Variants in UBE2W observed in about 807,000 individuals in gnomAD.
UBE2W encodes ubiquitin-conjugating enzyme E2 W.
In UBE2W, 18 loss-of-function variants were observed where a neutral mutation model predicts 27.2. The observed-to-expected ratio is 0.66, with a 90% CI of 0.46 to 0.98. The LOEUF is 0.98. Among genes scored for constraint, UBE2W ranks in the 50% least tolerant of loss-of-function variants. The pLI is 0.00. For synonymous variants in UBE2W, 53 were observed against 57.2 expected (o/e 0.93, Z 0.33); for missense variants, 90 against 180.2 (o/e 0.50, Z 2.87).
At chr8:73,844,757 C>A (rs989286350) in intron 1 of UBE2W, among the ~76,000 whole-genome samples, 23 of 151,642 alleles carry the variant, frequency 1.5e-4, no homozygotes, top group Admixed American at 9.2e-4. Flanking sequence ...CTCTGCCCCG[C>A]CGCCCCATCT....
chr8:73,805,472 C>CAAAAAACAAAAAAAA lies in UBE2W; in HGVS notation c.442+178_442+179insTTTTTTTTGTTTTTT, dbSNP rs1808855133. 2.7e-4 allele frequency among the ~76,000 whole-genome samples: 12 copies of CAAAAAACAAAAAAAA among 43,694 alleles called. 2 individuals carry two copies. The South Asian group carries it at 3.7e-3, about 14-fold the overall frequency. The allele number at this position is 43,694 out of a possible 152,430, so 28.7% of individuals were successfully genotyped here. A position where few individuals can be genotyped will look rare whatever the true frequency, so the allele number is the denominator to read the frequency against. ...TCCATCTCAAAAAAAAAAAAAAAAA[C>CAAAAAACAAAAAAAA]AAAAAAAACTAGGGTAATTCATCCA... On this transcript the variant is annotated intron_variant, in intron 5 of 5. Coordinates refer to ENST00000602593, the MANE Select transcript of UBE2W (RefSeq NM_018299.6).
chr8:73,831,058 A>C, intron 1 of UBE2W: 1 of 199,424 alleles, frequency 5.0e-6, no homozygotes, highest in Non-Finnish European at 1.0e-5. Context: ...GAAACTCCAC[A>C]TCCCTTCCCT....
chr8:73,843,842 A>G (rs1365216415), intron 1 of UBE2W, among the ~76,000 whole-genome samples: 2 of 152,066 alleles, frequency 1.3e-5, no homozygotes, highest in African/African-American at 4.8e-5. Flanking sequence ...TTTCTTAAAT[A>G]ATAATGTGTG....
downstream of UBE2W, among the ~76,000 whole-genome samples, chr8:73,783,659 C>T (rs919478449): frequency 3.3e-5 from 5 of 152,206 alleles, no homozygotes; most frequent in African/African-American, 1.2e-4. Context: ...GTGACTCTTC[C>T]AATCCATTCT....
chr8:73,832,999 C>T (rs563394212), intron 1 of UBE2W, among the ~76,000 whole-genome samples: 1 of 152,096 alleles, frequency 6.6e-6, no homozygotes, highest in African/African-American at 2.4e-5. Context: ...ACCAGCCTGG[C>T]CGATATGGTG....
chr8:73,794,817 C>T (rs1477913217), intron 5 of UBE2W, among the ~76,000 whole-genome samples: 6 of 140,736 alleles, frequency 4.3e-5, no homozygotes, highest in South Asian at 4.4e-4. Flanking sequence ...GCAAGGGAAT[C>T]GCTTCAACCT....
intron 2 of UBE2W, among the ~76,000 whole-genome samples, chr8:73,825,691 C>T (rs540528039): frequency 1.3e-5 from 2 of 152,248 alleles, no homozygotes; most frequent in South Asian, 4.1e-4. Flanking sequence ...ATCCCAGCTA[C>T]TCAGGAGGCT....
intron 1 of UBE2W, among the ~76,000 whole-genome samples, chr8:73,854,845 A>G (rs1326418736): frequency 6.6e-6 from 1 of 152,254 alleles, no homozygotes; most frequent in Non-Finnish European, 1.5e-5. Context: ...AGTTACATAA[A>G]GTCAATTAAC....
chr8:73,866,289 AAATATATATAT>A (rs1364414842), intron 1 of UBE2W, among the ~76,000 whole-genome samples: 81 of 88,888 alleles, frequency 9.1e-4, no homozygotes, highest in African/African-American at 3.8e-3. Context: ...AAAAAAAAAA[AAATATATATAT>A]ATATATATAT....
At chr8:73,865,160 CTCTT>C (rs1316367231) in intron 1 of UBE2W, among the ~76,000 whole-genome samples, 1 of 121,394 alleles carries the variant, frequency 8.2e-6, no homozygotes, top group African/African-American at 3.3e-5. Flanking sequence ...TTCTTCACTG[CTCTT>C]TAAGTGTGCA....
At chr8:73,830,502 C>G (rs1344764000) in intron 1 of UBE2W, 30 bp from the exon 2 acceptor site, 1 of 1,581,260 alleles carries the variant, frequency 6.3e-7, no homozygotes, top group Admixed American at 1.7e-5. Context: ...ATAATTTGTC[C>G]TTTTTGAGAC....
intron 1 of UBE2W, among the ~76,000 whole-genome samples, chr8:73,849,512 C>CAAAAAAAAAAA (rs71269951): frequency 1.3e-4 from 3 of 22,772 alleles, no homozygotes; most frequent in African/African-American, 3.0e-4. Flanking sequence ...AACTCCATCT[C>CAAAAAAAAAAA]AAAAAAAAAA....
At position 73,866,290 on chromosome 8, in the gene UBE2W, A is replaced by AAAT. The variant is rs1248216873; in HGVS notation, c.15+12517_15+12518insATT. On this transcript the variant is annotated intron_variant, in intron 1 of 5. Coordinates refer to ENST00000602593, the MANE Select transcript of UBE2W (RefSeq NM_018299.6). ...GTCTAAAAAAAAAAAAAAAAAAAAA[A>AAAT]ATATATATATATATATATATATATA... 4.2e-3 allele frequency among the ~76,000 whole-genome samples: 179 copies of AAAT among 43,070 alleles called. 2 individuals carry two copies. The highest frequency in any genetic ancestry group is 7.8e-3 in the East Asian group (13 of 1,674). 28.3% of individuals were successfully genotyped at this position (43,070 alleles called of 152,430 possible).
chr8:73,793,146 G>T lies in UBE2W; in HGVS notation c.*956C>A. 17 of 985,778 alleles carry T rather than the reference G, an allele frequency of 1.7e-5. No individual in the cohort carries two copies. The South Asian group carries it at 1.9e-4, about 11-fold the overall frequency. 61.1% of individuals were successfully genotyped at this position (985,778 alleles called of 1,614,324 possible). On this transcript the variant is annotated 3_prime_UTR_variant, in exon 6 of 6. Transcript: ENST00000602593. Reference sequence around the variant, plus strand: ...GATTGCAAACAAAAATGTTTACGGGGTTTCCAAACATAAATAAATGAAATA... The same window carrying T: ...GATTGCAAACAAAAATGTTTACGGGTTTTCCAAACATAAATAAATGAAATA...
exon 5 of UBE2W, chr8:73,780,425 A>G (rs1807820370): frequency 2.3e-6 from 1 of 440,378 alleles, no homozygotes; most frequent in Non-Finnish European, 4.6e-6. Flanking sequence ...AAATAGGGTC[A>G]CAATTTGAGG....
intron 2 of UBE2W, among the ~76,000 whole-genome samples, chr8:73,829,967 C>T (rs559792452): frequency 2.0e-5 from 3 of 152,184 alleles, no homozygotes; most frequent in African/African-American, 7.2e-5. Flanking sequence ...CCCTTCTGTA[C>T]AGGACGCAAT....
At chr8:73,820,785 A>C (rs1809579535) in intron 3 of UBE2W, among the ~76,000 whole-genome samples, 1 of 149,964 alleles carries the variant, frequency 6.7e-6, no homozygotes, top group Admixed American at 6.6e-5. Flanking sequence ...ACAAACAAAA[A>C]AACAAAATAA....
chr8:73,812,533 T>C (rs1366421947), intron 3 of UBE2W, among the ~76,000 whole-genome samples: 6 of 152,222 alleles, frequency 3.9e-5, no homozygotes, highest in South Asian at 4.1e-4. Flanking sequence ...TATAGTTTAT[T>C]ACATCATATG....
chr8:73,796,590 G>A, intron 5 of UBE2W: 1 of 942,628 alleles, frequency 1.1e-6, no homozygotes, highest in Non-Finnish European at 1.3e-6. Flanking sequence ...GTTTCTGACT[G>A]ATATGATACT....
Sources: allele counts gnomAD v4.1 joint callset (sites outside exome capture counted in the v4.1 genomes callset), GRCh38; gene constraint gnomAD v4.1.1; transcripts MANE v1.5; gene names NCBI Gene and HGNC (gene_info 2026-07-23, HGNC 2026-07-21).